The following COL5A1 variants were observed in gnomAD, a reference collection of about 807,000 sequenced individuals.
COL5A1 encodes collagen type V alpha 1 chain.
In COL5A1, 16 loss-of-function variants were observed where a neutral mutation model predicts 263.7. That is an observed-to-expected ratio of 0.06 (90% CI 0.04 to 0.09). The LOEUF is 0.09. COL5A1 is among the 10% of genes least tolerant of loss of function. The pLI is 1.00. For synonymous variants in COL5A1, 1,012 were observed against 1,004.5 expected, an observed-to-expected ratio of 1.01 and a Z score of -0.14; for missense variants, 2,036 against 2,540.5, an observed-to-expected ratio of 0.80 and a Z score of 4.27.
At position 134,795,072 on chromosome 9, in the gene COL5A1, C is replaced by T. The variant is rs756914558; in HGVS notation, c.2701-10C>T. On this transcript the variant is annotated splice_polypyrimidine_tract_variant and intron_variant, in intron 32 of 65. Coordinates refer to ENST00000371817, the MANE Select transcript of COL5A1 (RefSeq NM_000093.5). The stretch of plus-strand genomic sequence containing the variant: ...AGAGAGTGACTGACCAGCCCCTTCT[C>T]TGATTCTAGGGGACCCCTGGAAAGC... The T allele has an allele frequency of 3.7e-6, 6 of 1,613,962 alleles. No individual in the cohort carries two copies. In the South Asian group the frequency reaches 5.5e-5, roughly 15 times the overall value.
rs1838851166 is a variant in COL5A1 at position 134,818,409 on chromosome 9, GAC to G, written c.4231-244_4231-243del. On this transcript the variant is annotated intron_variant, in intron 54 of 65. Transcript: ENST00000371817. This position sits in a 1 kb window ranked among gnomAD's most constrained non-coding sequence, Gnocchi z 6.0. ...ATCCCTGCTCGGGCAGTGGCGCTGT[GAC>G]ACCCGGTCTGTGGTCGGCGCAGTCA... Among the ~76,000 whole-genome samples the G allele has an allele frequency of 6.6e-6, 1 of 152,182 alleles. No individual in the cohort carries two copies. The highest frequency in any genetic ancestry group is 6.5e-5 in the Admixed American group (1 of 15,290).
rs1240644525 is a variant in COL5A1, at chr9:134,823,413, C to A, written c.4645-3C>A. 6.2e-7 allele frequency: 1 copy of A among 1,614,202 alleles called. No homozygotes were observed. The highest frequency in any genetic ancestry group is 1.7e-5 in the Admixed American group (1 of 60,032). On this transcript the variant is annotated splice_region_variant and splice_polypyrimidine_tract_variant and intron_variant, in intron 60 of 65. Transcript: ENST00000371817. The stretch of plus-strand genomic sequence containing the variant: ...AAGGGTTGATTCTTTTCTTTCTCCC[C>A]AGGGTCCAACTGGCCCGAAGGGTGA...
At chr9:134,801,331 C>A (rs1030846579) in intron 37 of COL5A1, among the ~76,000 whole-genome samples, 3 of 152,244 alleles carry the variant, frequency 2.0e-5, no homozygotes, top group Non-Finnish European at 2.9e-5. Context: ...CGTCACAGAG[C>A]CACTGCTGAG....
chr9:134,722,420 C>T (rs1834496888), intron 4 of COL5A1, among the ~76,000 whole-genome samples: 1 of 152,220 alleles, frequency 6.6e-6, no homozygotes, highest in South Asian at 2.1e-4. Flanking sequence ...AGCACTGAGA[C>T]CAGTGCCAGC....
chr9:134,669,013 A>G (rs1588421379), intron 1 of COL5A1, among the ~76,000 whole-genome samples: 1 of 107,722 alleles, frequency 9.3e-6, no homozygotes, highest in Non-Finnish European at 1.8e-5. Context: ...TCACCCAACC[A>G]TCCATCCCAT....
At chr9:134,804,520 G>A (rs117798197) in intron 39 of COL5A1, among the ~76,000 whole-genome samples, 2 of 152,176 alleles carry the variant, frequency 1.3e-5, no homozygotes, top group African/African-American at 4.8e-5. Flanking sequence ...AAAGATAGAC[G>A]TGCCCTCAGC....
intron 18 of COL5A1, among the ~76,000 whole-genome samples, chr9:134,759,510 CACACAT>C (rs1311636362): frequency 4.4e-5 from 6 of 137,216 alleles, no homozygotes; most frequent in Non-Finnish European, 9.3e-5. Flanking sequence ...CACATGCACA[CACACAT>C]ACACACACCA....
At chr9:134,770,025 G>A (rs548100878) in intron 25 of COL5A1, among the ~76,000 whole-genome samples, 34 of 152,306 alleles carry the variant, frequency 2.2e-4, no homozygotes, top group Non-Finnish European at 4.4e-4. Flanking sequence ...CCTTTAAGGT[G>A]TCCCTTCCCC....
At chr9:134,653,454 G>C (rs1588404240) in intron 1 of COL5A1, 1 of 152,472 alleles carries the variant, frequency 6.6e-6, no homozygotes, top group Non-Finnish European at 1.5e-5. Flanking sequence ...TTTGAAGCCA[G>C]TCCCTGACAT....
intron 22 of COL5A1, among the ~76,000 whole-genome samples, 193 bp from the exon 23 acceptor site, chr9:134,766,807 C>T (rs1185910737): frequency 6.6e-6 from 1 of 152,168 alleles, no homozygotes; most frequent in Non-Finnish European, 1.5e-5. Flanking sequence ...GAGTCAACCT[C>T]CACAGCCTCA....
At chr9:134,751,136 G>T (rs1835765377) in intron 13 of COL5A1, among the ~76,000 whole-genome samples, 1 of 151,108 alleles carries the variant, frequency 6.6e-6, no homozygotes, top group Non-Finnish European at 1.5e-5. Context: ...CCGAGAGCGT[G>T]TCACTGTCCA....
chr9:134,678,416 C>T lies in COL5A1; in HGVS notation c.110-12496C>T, dbSNP rs903724025. Among the ~76,000 whole-genome samples the T allele has an allele frequency of 8.5e-5, 13 of 152,226 alleles. No individual in the cohort carries two copies. Among genetic ancestry groups the T allele is most frequent in the African/African-American group, 2.9e-4 (12 of 41,450 alleles). Reference sequence around the variant, plus strand: ...GCATGGATGGTGCCCAGGGTCCAGTCCCCCAACAACAGGCTCATTGCAGTG... The same window carrying T: ...GCATGGATGGTGCCCAGGGTCCAGTTCCCCAACAACAGGCTCATTGCAGTG... On this transcript the variant is annotated intron_variant, in intron 1 of 65. Transcript: ENST00000371817. This position sits in a 1 kb window ranked among gnomAD's most constrained non-coding sequence, Gnocchi z 5.5.
intron 38 of COL5A1, 149 bp downstream of exon 38, chr9:134,802,156 C>A (rs535626229): frequency 2.1e-5 from 17 of 808,378 alleles, no homozygotes; most frequent in Non-Finnish European, 3.6e-5. Context: ...TGTTGGTCAG[C>A]GTGAGGCTCG....
intron 37 of COL5A1, among the ~76,000 whole-genome samples, chr9:134,800,305 C>T (rs555257721): frequency 3.7e-4 from 57 of 152,314 alleles, no homozygotes; most frequent in Non-Finnish European, 4.0e-4. Context: ...CTCTTCTCCC[C>T]GGGTCCACTG....
At chr9:134,726,087 C>T (rs1169390251) in intron 4 of COL5A1, among the ~76,000 whole-genome samples, 1 of 152,052 alleles carries the variant, frequency 6.6e-6, no homozygotes, top group East Asian at 1.9e-4. Flanking sequence ...ACTCTCTTCC[C>T]CAGTGGTTGA....
chr9:134,760,824 A>G (rs964813554), intron 18 of COL5A1, among the ~76,000 whole-genome samples: 2 of 144,604 alleles, frequency 1.4e-5, no homozygotes, highest in Non-Finnish European at 3.0e-5. Context: ...CCACATGCAT[A>G]CACACATGCA....
intron 1 of COL5A1, among the ~76,000 whole-genome samples, chr9:134,662,838 C>T (rs148680644): frequency 3.9e-5 from 6 of 152,314 alleles, no homozygotes; most frequent in East Asian, 3.9e-4. Context: ...TTCCTCGGGC[C>T]GCAAGTTCTG....
chr9:134,695,408 C>T (rs1009751965), intron 2 of COL5A1, among the ~76,000 whole-genome samples: 6 of 152,340 alleles, frequency 3.9e-5, no homozygotes, highest in Non-Finnish European at 7.3e-5. Flanking sequence ...CAGCCAGTTG[C>T]GCTGGGCCCT....
At chr9:134,812,986 T>A (rs1422837841) in intron 48 of COL5A1, among the ~76,000 whole-genome samples, 1 of 152,122 alleles carries the variant, frequency 6.6e-6, no homozygotes, top group East Asian at 1.9e-4. Context: ...TGTGACAGCC[T>A]TTTGCAGAAT....
Sources: gnomAD v4.1 joint callset for allele counts (sites outside exome capture counted in the v4.1 genomes callset) on GRCh38, gnomAD v4.1.1 for gene constraint, Gnocchi (gnomAD v3.1) non-coding constraint, MANE v1.5 for transcripts, NCBI Gene and HGNC (gene_info 2026-07-23, HGNC 2026-07-21) for gene names.